Variants in PCDH15 observed in about 807,000 individuals in gnomAD.
PCDH15 encodes the protein protocadherin-15.
A neutral mutation model predicts 178.5 loss-of-function variants in PCDH15; 129 were observed. That is an observed-to-expected ratio of 0.72 (90% CI 0.63 to 0.84). The LOEUF is 0.84. Ranked by LOEUF, PCDH15 falls within the 40% of genes least tolerant of loss-of-function variation. The pLI, the probability that PCDH15 is intolerant of heterozygous loss-of-function variation, is 0.00. For synonymous variants in PCDH15, 800 were observed against 732.0 expected, an observed-to-expected ratio of 1.09 and a Z score of -1.50; for missense variants, 2,230 against 2,099.9, an observed-to-expected ratio of 1.06 and a Z score of -1.21.
intron 10 of PCDH15, among the ~76,000 whole-genome samples, chr10:54,200,237 AG>A (rs369057205): frequency 6.0e-5 from 9 of 150,420 alleles, no homozygotes; most frequent in African/African-American, 2.2e-4. Flanking sequence ...CATGTTTTCC[AG>A]GAATTATTTA....
At chr10:54,461,881 C>T (rs2077186208) in intron 3 of PCDH15, among the ~76,000 whole-genome samples, 1 of 151,858 alleles carries the variant, frequency 6.6e-6, no homozygotes, top group African/African-American at 2.4e-5. Flanking sequence ...ATATTTAATT[C>T]TTACCAAGTT....
At chr10:55,529,698 A>AAT (rs1303505031) in intron 2 of PCDH15, among the ~76,000 whole-genome samples, 9 of 129,500 alleles carry the variant, frequency 6.9e-5, no homozygotes, top group Non-Finnish European at 1.5e-4. Flanking sequence ...ATTATAAATA[A>AAT]ATATATATAT....
intron 2 of PCDH15, among the ~76,000 whole-genome samples, chr10:55,347,963 A>C (rs1303995343): frequency 6.6e-6 from 1 of 152,068 alleles, no homozygotes; most frequent in African/African-American, 2.4e-5. Flanking sequence ...ATTGAATTGT[A>C]AGCCTAAGTC....
intron 4 of PCDH15, among the ~76,000 whole-genome samples, chr10:54,372,490 T>C (rs1371799816): frequency 1.3e-5 from 2 of 151,850 alleles, no homozygotes; most frequent in Non-Finnish European, 2.9e-5. Flanking sequence ...CTGTGGCTAA[T>C]ATATAACACA....
In PCDH15 at chr10:54,879,208, G is replaced by C. The variant is rs142544255; in HGVS notation, c.-29+18242C>G. 5.9e-3 allele frequency among the ~76,000 whole-genome samples: 868 copies of C among 147,446 alleles called. 15 individuals carry two copies. The highest frequency in any genetic ancestry group is 0.021 in the African/African-American group (827 of 39,124). On this transcript the variant is annotated intron_variant, in intron 3 of 5. Coordinates refer to the PCDH15 transcript ENST00000458638. ...TGTGTGTGTGTGTGTGTGTGTGCTTGTATGTGTGTGTGTGCTTGTATGTGT... is the reference window on the plus strand; with the variant it reads ...TGTGTGTGTGTGTGTGTGTGTGCTTCTATGTGTGTGTGTGCTTGTATGTGT...
At position 54,408,878 on chromosome 10, in the gene PCDH15, G is replaced by A. The variant is rs12268680; in HGVS notation, c.158-29936C>T. Among the ~76,000 whole-genome samples the A allele has an allele frequency of 5.5e-3, 836 of 152,234 alleles. 11 individuals carry two copies. The highest frequency in any genetic ancestry group is 0.02 in the African/African-American group (822 of 41,544). ...ATCAGCTTTCTGGAACCAGGCATCTGGATCATGGGAAAGGCAGCATTTCCT... is the reference window on the plus strand; with the variant it reads ...ATCAGCTTTCTGGAACCAGGCATCTAGATCATGGGAAAGGCAGCATTTCCT... On this transcript the variant is annotated intron_variant, in intron 3 of 37. Transcript: ENST00000644397.
At chr10:55,471,886 C>T (rs1839962610) in intron 2 of PCDH15, among the ~76,000 whole-genome samples, 1 of 152,032 alleles carries the variant, frequency 6.6e-6, no homozygotes, top group South Asian at 2.1e-4. Flanking sequence ...GGGATCTTGC[C>T]CATTTCAAAT....
intron 28 of PCDH15, among the ~76,000 whole-genome samples, chr10:53,844,440 A>G (rs1056080772): frequency 1.3e-5 from 2 of 152,074 alleles, no homozygotes; most frequent in South Asian, 4.1e-4. Context: ...CAGAGCAGAT[A>G]TAAGCAAAAC....
chr10:54,860,765 A>T (rs561266112), intron 3 of PCDH15, among the ~76,000 whole-genome samples: 1 of 152,152 alleles, frequency 6.6e-6, no homozygotes, highest in Non-Finnish European at 1.5e-5. Context: ...TTATTCACAC[A>T]AACTCTACTG....
chr10:55,527,737 A>G (rs1841333768), intron 2 of PCDH15, among the ~76,000 whole-genome samples: 1 of 152,082 alleles, frequency 6.6e-6, no homozygotes, highest in Non-Finnish European at 1.5e-5. Context: ...TGTATGACTT[A>G]AATTTAATGC....
intron 1 of PCDH15, among the ~76,000 whole-genome samples, chr10:54,725,565 T>TATATATATATATATGTATAA (rs71014409): frequency 2.2e-5 from 3 of 135,912 alleles, no homozygotes; most frequent in African/African-American, 7.8e-5. Context: ...TATATATATA[T>TATATATATATATATGTATAA]AATTGGAAAC....
chr10:53,952,991 G>T (rs1223043289), intron 23 of PCDH15, among the ~76,000 whole-genome samples: 1 of 152,226 alleles, frequency 6.6e-6, no homozygotes, highest in African/African-American at 2.4e-5. Context: ...GGGGGGCCCA[G>T]GTCCACAGTC....
In PCDH15 at chr10:55,229,285, A is replaced by G. The variant is rs577823226; in HGVS notation, c.-155-62634T>C. On this transcript the variant is annotated intron_variant, in intron 1 of 5. Coordinates refer to the PCDH15 transcript ENST00000458638. ...AACAAAATTTTTCAAATAGACTACC[A>G]TAAATGATATATATCCCCTAAAAGG... Among the ~76,000 whole-genome samples, 25 of 152,050 alleles carry G rather than the reference A, an allele frequency of 1.6e-4. 1 individual carries two copies. In the East Asian group the frequency reaches 4.8e-3, roughly 29 times the overall value.
At chr10:53,930,645 CT>C (rs1258822717) in intron 25 of PCDH15, among the ~76,000 whole-genome samples, 9 of 151,948 alleles carry the variant, frequency 5.9e-5, no homozygotes, top group African/African-American at 2.2e-4. Flanking sequence ...AAAGGAGGAC[CT>C]TCAGGCCTCT....
intron 18 of PCDH15, among the ~76,000 whole-genome samples, chr10:54,045,093 G>C (rs1463344315): frequency 6.6e-6 from 1 of 152,044 alleles, no homozygotes; most frequent in Non-Finnish European, 1.5e-5. Flanking sequence ...GGATGAATTT[G>C]GGAATGAAAT....
intron 2 of PCDH15, among the ~76,000 whole-genome samples, chr10:55,041,117 C>T (rs1211631277): frequency 6.6e-6 from 1 of 151,830 alleles, no homozygotes; most frequent in Non-Finnish European, 1.5e-5. Context: ...ACTGTTTAAC[C>T]CTAACCCCAT....
intron 2 of PCDH15, among the ~76,000 whole-genome samples, chr10:55,059,556 A>C (rs554653504): frequency 6.6e-6 from 1 of 152,334 alleles, no homozygotes; most frequent in African/African-American, 2.4e-5. Flanking sequence ...TAGATAAATA[A>C]TTAAAATGTA....
intron 2 of PCDH15, among the ~76,000 whole-genome samples, chr10:54,917,340 G>A (rs779184878): frequency 5.3e-5 from 8 of 152,140 alleles, no homozygotes; most frequent in Middle Eastern, 3.2e-3. Context: ...TGCAAAGAAC[G>A]TAGCTGATGT....
At chr10:54,197,578 T>C (rs1394127988) in intron 10 of PCDH15, among the ~76,000 whole-genome samples, 1 of 152,172 alleles carries the variant, frequency 6.6e-6, no homozygotes, top group African/African-American at 2.4e-5. Context: ...TGTGATTTTC[T>C]AGATAGATAG....
Sources: allele counts gnomAD v4.1 joint callset (sites outside exome capture counted in the v4.1 genomes callset), GRCh38; gene constraint gnomAD v4.1.1; transcripts MANE v1.5; gene names NCBI Gene and HGNC (gene_info 2026-07-23, HGNC 2026-07-21).